The following NRXN3 variants were observed in gnomAD, a reference collection of about 807,000 sequenced individuals.
NRXN3 encodes the protein neurexin 3, also known as neurexin III.
A neutral mutation model predicts 137.6 loss-of-function variants in NRXN3; 32 were observed. The ratio of observed to expected loss-of-function variants is 0.23; its 90% CI spans 0.18 to 0.31. The LOEUF is 0.31. Among genes scored for constraint, NRXN3 ranks in the 10% least tolerant of loss-of-function variants. NRXN3 has a pLI of 1.00. For synonymous variants in NRXN3, 798 were observed against 784.5 expected, an observed-to-expected ratio of 1.02 and a Z score of -0.29; for missense variants, 1,574 against 2,062.5, an observed-to-expected ratio of 0.76 and a Z score of 4.59.
chr14:78,524,691 C>T (rs1235505502), intron 4 of NRXN3, among the ~76,000 whole-genome samples: 1 of 152,232 alleles, frequency 6.6e-6, no homozygotes, highest in Non-Finnish European at 1.5e-5. Flanking sequence ...AGATACGAAT[C>T]TAACCTATAT....
chr14:78,760,761 C>G (rs1035816905), intron 8 of NRXN3, among the ~76,000 whole-genome samples: 8 of 152,012 alleles, frequency 5.3e-5, no homozygotes, highest in Admixed American at 4.6e-4. Context: ...GGATTGCACT[C>G]TAGCAAAATT....
chr14:79,636,496 T>C (rs1407865078), intron 16 of NRXN3, among the ~76,000 whole-genome samples: 2 of 152,198 alleles, frequency 1.3e-5, no homozygotes, highest in African/African-American at 4.8e-5. Context: ...ATAGAGTGTT[T>C]AGGTTGGCCT....
chr14:79,409,862 A>G (rs1400918939), intron 15 of NRXN3, among the ~76,000 whole-genome samples: 6 of 151,658 alleles, frequency 4.0e-5, no homozygotes, highest in Admixed American at 1.3e-4. Flanking sequence ...ACATTTTGAA[A>G]TCACAAGGTT....
At chr14:79,647,172 T>G (rs1603336188) in intron 16 of NRXN3, among the ~76,000 whole-genome samples, 1 of 136,386 alleles carries the variant, frequency 7.3e-6, no homozygotes, top group East Asian at 2.0e-4. Flanking sequence ...GTGGCAATTT[T>G]GTTTTTCTGG....
chr14:79,005,751 A>G (rs2099551127), intron 15 of NRXN3, among the ~76,000 whole-genome samples: 1 of 151,816 alleles, frequency 6.6e-6, no homozygotes, highest in Admixed American at 6.6e-5. Flanking sequence ...TGGTGTTTAC[A>G]TGTTTATACA....
chr14:79,661,038 T>C (rs916881183), intron 16 of NRXN3, among the ~76,000 whole-genome samples: 22 of 152,190 alleles, frequency 1.4e-4, no homozygotes, highest in African/African-American at 5.3e-4. Flanking sequence ...CATTTCTGAA[T>C]TCCTTGAGAA....
intron 15 of NRXN3, among the ~76,000 whole-genome samples, chr14:79,375,013 C>G (rs1454781095): frequency 6.6e-6 from 1 of 152,088 alleles, no homozygotes; most frequent in African/African-American, 2.4e-5. Flanking sequence ...CTACGATATG[C>G]CAGGCATTGG....
intron 1 of NRXN3, among the ~76,000 whole-genome samples, chr14:78,200,968 C>T (rs2153393800): frequency 6.6e-6 from 1 of 152,270 alleles, no homozygotes; most frequent in Middle Eastern, 3.4e-3. Context: ...TTCCAGGGCT[C>T]AGCTTCTTCA....
chr14:78,225,976 T>TGTGTTG (rs1555412837), intron 1 of NRXN3, among the ~76,000 whole-genome samples: 8,844 of 105,640 alleles, frequency 0.084, 306 homozygotes, highest in Non-Finnish European at 0.13. Flanking sequence ...TGTGTGTTGG[T>TGTGTTG]GTGTGTGTGT....
At chr14:79,324,304 T>G (rs1006248871) in intron 15 of NRXN3, among the ~76,000 whole-genome samples, 1 of 152,178 alleles carries the variant, frequency 6.6e-6, no homozygotes, top group African/African-American at 2.4e-5. Flanking sequence ...TTTAAAAAAT[T>G]GAATTAAATA....
intron 4 of NRXN3, among the ~76,000 whole-genome samples, chr14:78,610,699 A>G (rs142501672): frequency 6.6e-6 from 1 of 152,310 alleles, no homozygotes; most frequent in East Asian, 1.9e-4. Context: ...TGAATGTTGG[A>G]GATTGAGAGA....
chr14:79,308,677 G>C (rs1467420426), intron 15 of NRXN3, among the ~76,000 whole-genome samples: 1 of 151,974 alleles, frequency 6.6e-6, no homozygotes, highest in Non-Finnish European at 1.5e-5. Flanking sequence ...GGAATGGTCT[G>C]AGAACCAGAT....
intron 15 of NRXN3, among the ~76,000 whole-genome samples, chr14:79,234,195 A>G (rs1454298545): frequency 6.7e-6 from 1 of 149,764 alleles, no homozygotes; most frequent in Non-Finnish European, 1.5e-5. Context: ...TAAGAGAAAA[A>G]TATCATTAGA....
At chr14:79,781,666 T>C (rs1236034570) in intron 19 of NRXN3, among the ~76,000 whole-genome samples, 1 of 152,210 alleles carries the variant, frequency 6.6e-6, no homozygotes, top group Non-Finnish European at 1.5e-5. Context: ...CTGACACCCA[T>C]TAGCATTTTG....
At chr14:78,663,698 C>G (rs958307909) in intron 6 of NRXN3, among the ~76,000 whole-genome samples, 2 of 152,110 alleles carry the variant, frequency 1.3e-5, no homozygotes, top group Non-Finnish European at 2.9e-5. Context: ...ACTTACTTAG[C>G]TTTGCATTTT....
intron 8 of NRXN3, among the ~76,000 whole-genome samples, chr14:78,728,615 G>A (rs989746579): frequency 1.3e-5 from 2 of 152,140 alleles, no homozygotes; most frequent in African/African-American, 2.4e-5. Context: ...GGGGGCGGTG[G>A]GGAGGTGCAC....
At chr14:78,234,099 C>T (rs1271492328) in intron 1 of NRXN3, among the ~76,000 whole-genome samples, 2 of 152,214 alleles carry the variant, frequency 1.3e-5, no homozygotes, top group Non-Finnish European at 2.9e-5. Flanking sequence ...GTTTCTCTTG[C>T]CTGCCCCAAT....
intron 8 of NRXN3, among the ~76,000 whole-genome samples, chr14:78,728,700 A>G (rs1364910528): frequency 6.6e-6 from 1 of 152,112 alleles, no homozygotes; most frequent in East Asian, 1.9e-4. Context: ...GTTCGAGACC[A>G]GCCTGGCCAA....
At chr14:79,548,548 A>G (rs2097343096) in intron 16 of NRXN3, among the ~76,000 whole-genome samples, 1 of 152,084 alleles carries the variant, frequency 6.6e-6, no homozygotes, top group South Asian at 2.1e-4. Context: ...CTTTGGGTAT[A>G]TACCCTGCAA....
Sources: gnomAD v4.1 joint callset for allele counts (sites outside exome capture counted in the v4.1 genomes callset) on GRCh38, gnomAD v4.1.1 for gene constraint, MANE v1.5 for transcripts, NCBI Gene and HGNC (gene_info 2026-07-23, HGNC 2026-07-21) for gene names.